TMEM9B: variants seen among roughly 807,000 people sequenced by gnomAD.
The protein encoded by TMEM9B is transmembrane protein 9B.
TMEM9B carries 8 observed loss-of-function variants against 23.5 expected under a neutral mutation model. The ratio of observed to expected loss-of-function variants is 0.34; its 90% CI spans 0.20 to 0.61. TMEM9B has a LOEUF of 0.61. TMEM9B is among the 20% of genes least tolerant of loss of function. The pLI is 0.78. For missense variants in TMEM9B, 197 were observed against 252.3 expected (o/e 0.78, Z 1.49); for synonymous variants, 106 against 96.3 (o/e 1.10, Z -0.59).
rs1393078468 is a variant in TMEM9B at position 8,947,722 on chromosome 11, C to T, written c.*598G>A. 2 of 152,612 alleles carry T rather than the reference C, an allele frequency of 1.3e-5. No homozygotes were observed. The highest frequency in any genetic ancestry group is 4.8e-5 in the African/African-American group (2 of 41,404). The allele number at this position is 152,612 out of a possible 1,614,324, so 9.5% of individuals were successfully genotyped here. A position where few individuals can be genotyped will look rare whatever the true frequency, so the allele number is the denominator to read the frequency against. ...AAAAGCCACCAGGCATTTTAGATCC[C>T]GTTTACCATGAAGTGCAGACACAGC... On this transcript the variant is annotated 3_prime_UTR_variant, in exon 5 of 5. Coordinates refer to ENST00000534025, the MANE Select transcript of TMEM9B (RefSeq NM_020644.3).
chr11:8,953,217 C>T lies in TMEM9B; in HGVS notation c.427G>A (p.Asp143Asn), dbSNP rs1407825092. 6.2e-7 allele frequency: 1 copy of T among 1,614,166 alleles called. No homozygotes were observed. The highest frequency in any genetic ancestry group is 1.3e-5 in the African/African-American group (1 of 75,022). ...LFGHAQLIQS[D>N]DDIGDHQPFA... ...TGGGAACTTACCCCAATATCATCAT[C>T]ACTCTGTATCAACTGTGCATGTCCA... The change falls in exon 4 of 5, where the codon GAT becomes AAT. Residue 143 changes from aspartate to asparagine, a missense_variant. Transcript: ENST00000534025.
intron 2 of TMEM9B, 40 bp downstream of exon 2, chr11:8,962,052 A>C (rs746361367): frequency 7.6e-7 from 1 of 1,313,552 alleles, no homozygotes; most frequent in South Asian, 1.4e-5. Flanking sequence ...ACAACCACAG[A>C]AACAAATGTG....
intron 4 of TMEM9B, among the ~76,000 whole-genome samples, chr11:8,952,281 CTATA>C (rs58750330): frequency 0.014 from 2,129 of 147,468 alleles, 21 homozygotes; most frequent in Middle Eastern, 0.05. Context: ...CACACACACG[CTATA>C]TATATATATA....
In TMEM9B at chr11:8,964,356, C is replaced by G. The variant is rs1456980862; in HGVS notation, c.-43G>C. ...TCCCACAGCCCGGAGCCCCCGCGAC[C>G]GGCTCCCGGCTCGGGCTCAGGCTCA... On this transcript the variant is annotated 5_prime_UTR_variant, in exon 1 of 5. Coordinates refer to ENST00000534025, the MANE Select transcript of TMEM9B (RefSeq NM_020644.3). The G allele has an allele frequency of 6.5e-7, 1 of 1,536,490 alleles. No individual in the cohort carries two copies. Among genetic ancestry groups the G allele is most frequent in the Non-Finnish European group, 8.8e-7 (1 of 1,142,662 alleles).
chr11:8,964,373 T>C lies in TMEM9B; in HGVS notation c.-60A>G. On this transcript the variant is annotated 5_prime_UTR_variant, in exon 1 of 5. Transcript: ENST00000534025. ...CCCGCGACCGGCTCCCGGCTCGGGCTCAGGCTCAGGCTCAGGCTCAGGCAC... is the reference window on the plus strand; with the variant it reads ...CCCGCGACCGGCTCCCGGCTCGGGCCCAGGCTCAGGCTCAGGCTCAGGCAC... 6.7e-7 allele frequency: 1 copy of C among 1,489,754 alleles called. No individual in the cohort carries two copies. Among genetic ancestry groups the C allele is most frequent in the Non-Finnish European group, 8.9e-7 (1 of 1,120,536 alleles). The allele number at this position is 1,489,754 out of a possible 1,614,324, so 92.3% of individuals were successfully genotyped here.
At chr11:8,958,635 T>C (rs1451379488) in intron 2 of TMEM9B, among the ~76,000 whole-genome samples, 2 of 149,718 alleles carry the variant, frequency 1.3e-5, no homozygotes, top group East Asian at 4.0e-4. Flanking sequence ...TGCAATGGTG[T>C]GATCTTCCTC....
intron 4 of TMEM9B, among the ~76,000 whole-genome samples, chr11:8,951,727 C>A: frequency 6.7e-6 from 1 of 149,074 alleles, no homozygotes; most frequent in Admixed American, 6.7e-5. Context: ...CACTGCAGTC[C>A]AGCCGGGGCA....
intron 3 of TMEM9B, among the ~76,000 whole-genome samples, chr11:8,955,031 A>T (rs1300560329): frequency 6.6e-6 from 1 of 151,930 alleles, no homozygotes; most frequent in African/African-American, 2.4e-5. Context: ...CATGCCTGTA[A>T]TCCCAGCTAC....
intron 4 of TMEM9B, 136 bp from the exon 5 acceptor site, chr11:8,948,611 C>A (rs1312271449): frequency 1.2e-5 from 11 of 954,570 alleles, no homozygotes; most frequent in African/African-American, 5.0e-5. Flanking sequence ...TAGCTAAGCA[C>A]TCCTAAGCGC....
At chr11:8,955,358 T>C (rs1434761728) in intron 3 of TMEM9B, among the ~76,000 whole-genome samples, 1 of 152,098 alleles carries the variant, frequency 6.6e-6, no homozygotes, top group Non-Finnish European at 1.5e-5. Flanking sequence ...TTGGGTATGA[T>C]TCTAGCACAT....
chr11:8,958,502 T>C (rs1854014900), intron 2 of TMEM9B, among the ~76,000 whole-genome samples: 1 of 151,914 alleles, frequency 6.6e-6, no homozygotes, highest in Non-Finnish European at 1.5e-5. Flanking sequence ...TATTTTCATG[T>C]TCTGTTCCCT....
chr11:8,962,047 C>A, intron 2 of TMEM9B, 45 bp downstream of exon 2: 1 of 1,271,486 alleles, frequency 7.9e-7, no homozygotes, highest in East Asian at 2.5e-5. Context: ...CACTGACAAC[C>A]ACAGAAACAA....
chr11:8,962,250 C>A, intron 1 of TMEM9B, 67 bp from the exon 2 acceptor site: 1 of 1,047,644 alleles, frequency 9.5e-7, no homozygotes, highest in South Asian at 1.6e-5. Flanking sequence ...AAAACTGTAC[C>A]ATATACATTT....
Position 8,964,414 on chromosome 11 carries a change from C to T in TMEM9B, c.-101G>A. Reference sequence around the variant, plus strand: ...GCTCAGGCACAGGCTTGGGACCCGGCTGGGGATCCTCCGCCCGCACTTCCG... The same window carrying T: ...GCTCAGGCACAGGCTTGGGACCCGGTTGGGGATCCTCCGCCCGCACTTCCG... On this transcript the variant is annotated 5_prime_UTR_variant, in exon 1 of 5. Coordinates refer to ENST00000534025, the MANE Select transcript of TMEM9B (RefSeq NM_020644.3). 1 of 1,446,674 alleles carries T rather than the reference C, an allele frequency of 6.9e-7. No individual in the cohort carries two copies. Among genetic ancestry groups the T allele is most frequent in the Middle Eastern group, 2.1e-4 (1 of 4,830 alleles). The allele number at this position is 1,446,674 out of a possible 1,614,324, so 89.6% of individuals were successfully genotyped here.
In TMEM9B at chr11:8,964,096, C is replaced by T. The variant is rs761854055; in HGVS notation, c.105+113G>A. 1.9e-4 allele frequency: 204 copies of T among 1,066,016 alleles called. 2 individuals carry two copies. Among genetic ancestry groups the T allele is most frequent in the Non-Finnish European group, 2.2e-4 (168 of 756,658 alleles). The allele number at this position is 1,066,016 out of a possible 1,614,324, so 66.0% of individuals were successfully genotyped here. A position where few individuals can be genotyped will look rare whatever the true frequency, so the allele number is the denominator to read the frequency against. ...GCGGGGGTCTGCCGGAGCTGTGAGG[C>T]CAGGCGTATGGCTGTCAGGAATGGG... is the stretch of plus-strand genomic sequence containing the variant. On this transcript the variant is annotated intron_variant, in intron 1 of 4. Transcript: ENST00000534025.
intron 2 of TMEM9B, among the ~76,000 whole-genome samples, chr11:8,956,767 T>G (rs1198771456): frequency 6.6e-6 from 1 of 152,218 alleles, no homozygotes; most frequent in Non-Finnish European, 1.5e-5. Flanking sequence ...TCACATGGGC[T>G]GTAGTGGAGT....
chr11:8,959,213 C>G (rs7106152), intron 2 of TMEM9B, among the ~76,000 whole-genome samples: 87,174 of 152,074 alleles, frequency 0.57, 25,582 homozygotes, highest in East Asian at 0.69. Context: ...AGGAGGCCAA[C>G]ATGTGAGGAT....
rs1854156934 is a variant in TMEM9B, at chr11:8,964,398, C to T, written c.-85G>A. 1.3e-6 allele frequency: 2 copies of T among 1,507,780 alleles called. No homozygotes were observed. Among genetic ancestry groups the T allele is most frequent in the Admixed American group, 2.3e-5 (1 of 44,316 alleles). The allele number at this position is 1,507,780 out of a possible 1,614,324, so 93.4% of individuals were successfully genotyped here. A position where few individuals can be genotyped will look rare whatever the true frequency, so the allele number is the denominator to read the frequency against. On this transcript the variant is annotated 5_prime_UTR_variant, in exon 1 of 5. It adds an upstream start codon to the 5' untranslated region. Transcript: ENST00000534025. ...TCAGGCTCAGGCTCAGGCTCAGGCA[C>T]AGGCTTGGGACCCGGCTGGGGATCC...
Position 8,951,925 on chromosome 11 carries a change from G to A in TMEM9B, c.441+1278C>T, listed in dbSNP as rs1490967763. The stretch of plus-strand genomic sequence containing the variant: ...GTTCAAGAGCAGCCTGGCCAAAATG[G>A]TGAAACTCCGTCTCTACTAAAAATA... On this transcript the variant is annotated intron_variant, in intron 4 of 4. Transcript: ENST00000534025. Among the ~76,000 whole-genome samples, 4 of 151,884 alleles carry A rather than the reference G, an allele frequency of 2.6e-5. No homozygotes were observed. In the South Asian group the frequency reaches 6.2e-4, roughly 24 times the overall value.
Sources: allele counts gnomAD v4.1 joint callset (sites outside exome capture counted in the v4.1 genomes callset), GRCh38; gene constraint gnomAD v4.1.1; transcripts MANE v1.5; gene names NCBI Gene and HGNC (gene_info 2026-07-23, HGNC 2026-07-21).